Variants in DIS3L observed in about 807,000 individuals in gnomAD.
DIS3L encodes DIS3-like exonuclease 1.
DIS3L carries 100 observed loss-of-function variants against 120.3 expected under a neutral mutation model. The ratio of observed to expected loss-of-function variants is 0.83; its 90% CI spans 0.71 to 0.98. DIS3L has a LOEUF of 0.98. Among genes scored for constraint, DIS3L ranks in the 50% least tolerant of loss-of-function variants. DIS3L has a pLI of 0.00. For missense variants in DIS3L, 1,196 were observed against 1,314.2 expected (o/e 0.91, Z 1.39); for synonymous variants, 426 against 470.6 (o/e 0.91, Z 1.23).
intron 6 of DIS3L, 45 bp from the exon 7 acceptor site, chr15:66,314,991 A>C (rs781643769): frequency 6.3e-7 from 1 of 1,595,078 alleles, no homozygotes; most frequent in South Asian, 1.1e-5. Context: ...CTGGTGTGCC[A>C]TTCCCTTGGC....
At chr15:66,298,326 A>G (rs1447026654) in intron 2 of DIS3L, among the ~76,000 whole-genome samples, 3 of 152,220 alleles carry the variant, frequency 2.0e-5, no homozygotes, top group South Asian at 2.1e-4. Flanking sequence ...CTAAAAGAAA[A>G]AAATCCTCCT....
chr15:66,310,205 T>G (rs1296710706), intron 4 of DIS3L, among the ~76,000 whole-genome samples: 1 of 152,164 alleles, frequency 6.6e-6, no homozygotes, highest in Non-Finnish European at 1.5e-5. Flanking sequence ...GCTAAAGATT[T>G]GCCAATAGAA....
chr15:66,320,946 C>T (rs912741260), intron 9 of DIS3L, among the ~76,000 whole-genome samples: 1 of 152,194 alleles, frequency 6.6e-6, no homozygotes, highest in Non-Finnish European at 1.5e-5. Context: ...TCATAGCTCT[C>T]AAATTTTTAT....
intron 3 of DIS3L, among the ~76,000 whole-genome samples, chr15:66,307,918 C>A (rs1023708239): frequency 6.6e-6 from 1 of 152,148 alleles, no homozygotes; most frequent in African/African-American, 2.4e-5. Context: ...CATGGTGGCT[C>A]ATGCTTATAA....
In DIS3L at chr15:66,325,830, G is replaced by A; in HGVS notation, c.1668-1G>A. 2 of 1,587,684 alleles carry A rather than the reference G, an allele frequency of 1.3e-6. No homozygotes were observed. The highest frequency in any genetic ancestry group is 1.7e-6 in the Non-Finnish European group (2 of 1,162,656). Reference sequence around the variant, plus strand: ...TGTTGTCAATGTTACTGTTTTTGTAGGTATGCTGTAAGCATCATGTGGGAA... The same window carrying A: ...TGTTGTCAATGTTACTGTTTTTGTAAGTATGCTGTAAGCATCATGTGGGAA... On this transcript the variant is annotated splice_acceptor_variant, in intron 11 of 16. Transcript: ENST00000319212. LOFTEE classifies it high-confidence loss of function.
rs776914260 is a variant in DIS3L, at chr15:66,304,674, G to A, written c.294-2150G>A. ...CCAGCACTCTGGGAGGCCGAGGCGGGTGGATCACCTGAGGTCAGGAGTTTG... is the reference window on the plus strand; with the variant it reads ...CCAGCACTCTGGGAGGCCGAGGCGGATGGATCACCTGAGGTCAGGAGTTTG... On this transcript the variant is annotated intron_variant, in intron 2 of 16. Transcript: ENST00000319212. 1.8e-3 allele frequency among the ~76,000 whole-genome samples: 275 copies of A among 152,154 alleles called. 1 individual carries two copies. The highest frequency in any genetic ancestry group is 3.2e-3 in the Non-Finnish European group (220 of 67,994).
chr15:66,317,187 ATT>A (rs71139481), intron 7 of DIS3L, among the ~76,000 whole-genome samples: 3 of 142,826 alleles, frequency 2.1e-5, no homozygotes, highest in Admixed American at 7.0e-5. Flanking sequence ...ACAACTTCAC[ATT>A]TTTTTTTTTT....
chr15:66,329,389 A>G lies in DIS3L; in HGVS notation c.2525A>G (p.Asn842Ser), dbSNP rs1204478463. The part of the protein sequence containing the change: ...DLEELCRHIN[N>S]RNQAAQHSQK... ...GAGGAATTATGCAGACATATCAACA[A>G]CAGAAACCAAGTAAGAGGGAATTTC... is the stretch of plus-strand genomic sequence containing the variant. Residue 842 changes from asparagine to serine, a missense_variant, in exon 14 of 17, where the codon AAC becomes AGC. Transcript: ENST00000319212. 1 of 1,600,226 alleles carries G rather than the reference A, an allele frequency of 6.2e-7. No homozygotes were observed. The highest frequency in any genetic ancestry group is 8.5e-7 in the Non-Finnish European group (1 of 1,175,540).
intron 10 of DIS3L, 99 bp from the exon 11 acceptor site, chr15:66,323,393 GT>G: frequency 9.0e-7 from 1 of 1,110,272 alleles, no homozygotes; most frequent in Middle Eastern, 2.9e-4. Flanking sequence ...TGGGGAATCT[GT>G]AGTGAGATTT....
intron 7 of DIS3L, among the ~76,000 whole-genome samples, chr15:66,317,648 G>A (rs1323252066): frequency 2.0e-5 from 3 of 152,044 alleles, no homozygotes; most frequent in African/African-American, 7.2e-5. Context: ...TGTTATCTCA[G>A]GAAGAGAGAG....
intron 2 of DIS3L, among the ~76,000 whole-genome samples, chr15:66,304,706 G>A (rs2092684589): frequency 6.6e-6 from 1 of 151,822 alleles, no homozygotes. Context: ...TTTGAGACCA[G>A]CCTGGCAAAC....
At chr15:66,310,121 C>T (rs1269901592) in intron 4 of DIS3L, among the ~76,000 whole-genome samples, 1 of 152,120 alleles carries the variant, frequency 6.6e-6, no homozygotes, top group Non-Finnish European at 1.5e-5. Flanking sequence ...CCCTGTATTA[C>T]CCCTGTCAGT....
chr15:66,320,009 A>C (rs866838842), intron 8 of DIS3L, among the ~76,000 whole-genome samples: 44 of 151,524 alleles, frequency 2.9e-4, no homozygotes, highest in Admixed American at 2.6e-4. Flanking sequence ...TTGTAATCCT[A>C]GCTATGTGAG....
intron 2 of DIS3L, 126 bp downstream of exon 2, chr15:66,295,267 G>C (rs1259823376): frequency 4.4e-6 from 4 of 913,122 alleles, no homozygotes; most frequent in Non-Finnish European, 6.6e-6. Context: ...AACTAATTTC[G>C]TATTCTCTTT....
intron 2 of DIS3L, among the ~76,000 whole-genome samples, chr15:66,295,348 A>T (rs1417448945): frequency 6.6e-6 from 1 of 152,214 alleles, no homozygotes; most frequent in Non-Finnish European, 1.5e-5. Flanking sequence ...CTGACTGTAG[A>T]TTAGTAAACT....
At position 66,322,825 on chromosome 15, in the gene DIS3L, C is replaced by A. The variant is rs1001858061; in HGVS notation, c.1465C>A (p.Leu489Ile). Residue 489 changes from leucine to isoleucine, a missense_variant, in exon 10 of 17, where the codon CTC becomes ATC. Leu to Ile is a conservative substitution (Grantham distance 5, BLOSUM62 2). Transcript: ENST00000319212. ...PKGCEDVDDT[L>I]SVRTLNNGNL... ...AGGTTGTGAAGATGTGGATGACACA[C>A]TCTCAGTCAGAACCTTAAATAATGG... The A allele has an allele frequency of 3.1e-6, 5 of 1,614,198 alleles. No homozygotes were observed. The highest frequency in any genetic ancestry group is 4.2e-6 in the Non-Finnish European group (5 of 1,180,034).
chr15:66,329,994 G>T, intron 14 of DIS3L: 3 of 984,970 alleles, frequency 3.0e-6, no homozygotes, highest in Non-Finnish European at 3.6e-6. Flanking sequence ...TCTAGACACT[G>T]CTAACATTTT....
At chr15:66,318,058 C>T (rs1264025216) in intron 7 of DIS3L, among the ~76,000 whole-genome samples, 2 of 152,120 alleles carry the variant, frequency 1.3e-5, no homozygotes, top group African/African-American at 4.8e-5. Flanking sequence ...ACTGCAAGTT[C>T]CGCCTCCCAG....
In DIS3L at chr15:66,322,714, G is replaced by C. The variant is rs2092897658; in HGVS notation, c.1354G>C (p.Glu452Gln). The change falls in exon 10 of 17, where the codon GAA becomes CAA. Residue 452 changes from glutamate to glutamine, a missense_variant. Physicochemically the swap from Glu to Gln is conservative, Grantham distance 29. Transcript: ENST00000319212. ...QMCEMPVNTPESPWKVSPEEE... is the reference protein window; with the variant it reads ...QMCEMPVNTPQSPWKVSPEEE... ...GTGTGAGATGCCAGTAAACACACCA[G>C]AAAGTCCCTGGAAGGTGAGTCCTGA... is the stretch of plus-strand genomic sequence containing the variant. 6.2e-7 allele frequency: 1 copy of C among 1,614,168 alleles called. No homozygotes were observed.
Sources: allele counts gnomAD v4.1 joint callset (sites outside exome capture counted in the v4.1 genomes callset), GRCh38; gene constraint gnomAD v4.1.1; transcripts MANE v1.5; gene names NCBI Gene and HGNC (gene_info 2026-07-23, HGNC 2026-07-21).